DUS2: variants seen among roughly 807,000 people sequenced by gnomAD.
DUS2 encodes tRNA-dihydrouridine(20) synthase [NAD(P)+]-like.
A neutral mutation model predicts 71.3 loss-of-function variants in DUS2; 52 were observed. The ratio of observed to expected loss-of-function variants is 0.73; its 90% CI spans 0.58 to 0.92. DUS2 has a LOEUF of 0.92. Among genes scored for constraint, DUS2 ranks in the 40% least tolerant of loss-of-function variants. The pLI, the probability that DUS2 is intolerant of heterozygous loss-of-function variation, is 0.00. For synonymous variants in DUS2, 204 were observed against 227.8 expected (o/e 0.90, Z 0.94); for missense variants, 558 against 622.6 (o/e 0.90, Z 1.10).
chr16:68,064,050 A>G (rs1000499244), intron 8 of DUS2, among the ~76,000 whole-genome samples: 3 of 152,200 alleles, frequency 2.0e-5, no homozygotes, highest in Non-Finnish European at 4.4e-5. Context: ...GACAATTGGC[A>G]GGGCCAGGAC....
At chr16:68,063,012 G>GCA (rs1392428706) in intron 8 of DUS2, among the ~76,000 whole-genome samples, 2 of 152,226 alleles carry the variant, frequency 1.3e-5, no homozygotes, top group African/African-American at 4.8e-5. Context: ...CACAACATGA[G>GCA]CACACAGGCA....
rs141331499 is a variant in DUS2 at position 68,073,791 on chromosome 16, G to A, written c.811-243G>A. 6.4e-3 allele frequency among the ~76,000 whole-genome samples: 967 copies of A among 151,936 alleles called. 10 individuals are homozygous for A. Among genetic ancestry groups the A allele is most frequent in the African/African-American group, 0.022 (911 of 41,408 alleles). On this transcript the variant is annotated intron_variant, in intron 12 of 16. Transcript: ENST00000565263. The stretch of plus-strand genomic sequence containing the variant: ...TAATTTTTGTAGAGTTGAGTCTTAC[G>A]TTGCCCAGGCTGCTCTTGAACTCCT...
At chr16:68,078,651 C>G in intron 16 of DUS2, 98 bp from the exon 17 acceptor site, 2 of 1,487,592 alleles carry the variant, frequency 1.3e-6, no homozygotes, top group Non-Finnish European at 1.9e-6. Context: ...GGATGGTGAC[C>G]CCTTACTCAG....
In DUS2 at chr16:68,078,928, G is replaced by A; in HGVS notation, c.1424G>A (p.Cys475Tyr). ...AQELAQPGDL[C>Y]KKPFVALGSG... ...GAGCTAGCACAACCTGGGGATCTGT[G>A]CAAGAAGCCCTTTGTGGCCTTGGGA... The change falls in exon 17 of 17, where the codon TGC becomes TAC. Residue 475 changes from cysteine (C) to tyrosine (Y), a missense_variant. By Grantham distance (194) the Cys-to-Tyr change is radical. Coordinates refer to ENST00000565263, the MANE Select transcript of DUS2 (RefSeq NM_017803.5). 3 of 1,605,652 alleles carry A rather than the reference G, an allele frequency of 1.9e-6. No homozygotes were observed. Among genetic ancestry groups the A allele is most frequent in the Non-Finnish European group, 2.6e-6 (3 of 1,174,170 alleles).
At chr16:68,076,742 C>A (rs1476170366) in intron 15 of DUS2, 23 bp downstream of exon 15, 1 of 1,595,662 alleles carries the variant, frequency 6.3e-7, no homozygotes, top group Non-Finnish European at 8.6e-7. Flanking sequence ...CTGTGGCCTG[C>A]CCTGCAGCCA....
At chr16:68,034,992 A>T (rs952610060) in intron 2 of DUS2, among the ~76,000 whole-genome samples, 1 of 152,150 alleles carries the variant, frequency 6.6e-6, no homozygotes, top group Non-Finnish European at 1.5e-5. Flanking sequence ...CAACAGAGCA[A>T]GACTCTGTTT....
At chr16:68,061,672 C>T (rs1275379936) in intron 8 of DUS2, among the ~76,000 whole-genome samples, 1 of 152,210 alleles carries the variant, frequency 6.6e-6, no homozygotes, top group African/African-American at 2.4e-5. Context: ...TAATGAGGCC[C>T]TGGGGACAGG....
intron 8 of DUS2, among the ~76,000 whole-genome samples, chr16:68,065,113 A>G (rs1323170569): frequency 6.6e-6 from 1 of 151,782 alleles, no homozygotes; most frequent in Non-Finnish European, 1.5e-5. Context: ...TGGTCTTGCT[A>G]CCTCCCTGTC....
chr16:68,064,895 C>T (rs1042896699), intron 8 of DUS2, among the ~76,000 whole-genome samples: 2 of 152,226 alleles, frequency 1.3e-5, no homozygotes, highest in Non-Finnish European at 2.9e-5. Context: ...CTCTCTGCTG[C>T]CCCCGCCTGT....
At chr16:68,069,057 G>A (rs2034048640) in intron 10 of DUS2, among the ~76,000 whole-genome samples, 1 of 152,134 alleles carries the variant, frequency 6.6e-6, no homozygotes, top group African/African-American at 2.4e-5. Context: ...AGAGGTAGAG[G>A]CTAGGTTGAC....
chr16:68,068,757 T>C (rs975765518), intron 10 of DUS2, among the ~76,000 whole-genome samples: 1 of 148,506 alleles, frequency 6.7e-6, no homozygotes, highest in African/African-American at 2.5e-5. Context: ...CCTGGCTTTT[T>C]TTTTTTTTTT....
At chr16:68,046,833 G>A (rs2033708781) in intron 3 of DUS2, among the ~76,000 whole-genome samples, 1 of 150,964 alleles carries the variant, frequency 6.6e-6, no homozygotes. Flanking sequence ...TGCAAGCTCC[G>A]CCTGCCGGAT....
chr16:68,034,807 C>A lies in DUS2; in HGVS notation c.-18-3199C>A, dbSNP rs369563615. 5.9e-5 allele frequency among the ~76,000 whole-genome samples: 9 copies of A among 152,064 alleles called. No homozygotes were observed. In the East Asian group the frequency reaches 1.5e-3, roughly 26 times the overall value. On this transcript the variant is annotated intron_variant, in intron 2 of 16. Transcript: ENST00000565263. Reference sequence around the variant, plus strand: ...GGTCAGGAGTTCAAGACCAGCCTGGCCAATATGGCAAAGCCCCATTTCTAC... The same window carrying A: ...GGTCAGGAGTTCAAGACCAGCCTGGACAATATGGCAAAGCCCCATTTCTAC...
chr16:68,063,968 C>A (rs1172162365), intron 8 of DUS2, among the ~76,000 whole-genome samples: 3 of 152,186 alleles, frequency 2.0e-5, no homozygotes, highest in Non-Finnish European at 4.4e-5. Flanking sequence ...GGTGATCTGG[C>A]CTCCAAAAGT....
In DUS2 at chr16:68,079,252, A is replaced by T. The variant is rs1297689144; in HGVS notation, c.*266A>T. 1 of 361,460 alleles carries T rather than the reference A, an allele frequency of 2.8e-6. No individual in the cohort carries two copies. The highest frequency in any genetic ancestry group is 5.0e-6 in the Non-Finnish European group (1 of 199,806). The allele number at this position is 361,460 out of a possible 1,614,324, so 22.4% of individuals were successfully genotyped here. A position where few individuals can be genotyped will look rare whatever the true frequency, so the allele number is the denominator to read the frequency against. On this transcript the variant is annotated 3_prime_UTR_variant, in exon 17 of 17. Coordinates refer to ENST00000565263, the MANE Select transcript of DUS2 (RefSeq NM_017803.5). ...GGTAACTCCCCAACCTGACATTGGT[A>T]CTGTGCAATAAAGACACCCCCTACC...
chr16:68,030,475 C>G (rs1192374708), intron 2 of DUS2, among the ~76,000 whole-genome samples: 2 of 152,130 alleles, frequency 1.3e-5, no homozygotes, highest in Non-Finnish European at 1.5e-5. Context: ...ATTTTTGTCC[C>G]AGCTAATCAG....
chr16:68,046,076 A>G (rs865991838), intron 3 of DUS2, among the ~76,000 whole-genome samples: 1 of 152,124 alleles, frequency 6.6e-6, no homozygotes, highest in Non-Finnish European at 1.5e-5. Flanking sequence ...ATTCAGGGGT[A>G]TATATGCGGA....
intron 3 of DUS2, among the ~76,000 whole-genome samples, chr16:68,041,083 T>C (rs2033618969): frequency 6.6e-6 from 1 of 151,956 alleles, no homozygotes; most frequent in Admixed American, 6.6e-5. Flanking sequence ...TACAAAAAAT[T>C]AGCTGTACGC....
intron 14 of DUS2, 87 bp downstream of exon 14, chr16:68,075,591 T>A: frequency 7.4e-7 from 1 of 1,350,168 alleles, no homozygotes; most frequent in Non-Finnish European, 9.9e-7. Context: ...TGTATGTGCT[T>A]AATGTCAAAC....
Sources: allele counts gnomAD v4.1 joint callset (sites outside exome capture counted in the v4.1 genomes callset), GRCh38; gene constraint gnomAD v4.1.1; transcripts MANE v1.5; gene names NCBI Gene and HGNC (gene_info 2026-07-23, HGNC 2026-07-21).